Variants in GRID1 observed in about 807,000 individuals in gnomAD.
GRID1 encodes the protein glutamate ionotropic receptor delta type subunit 1, also known as glutamate receptor ionotropic, delta-1.
A neutral mutation model predicts 98.0 loss-of-function variants in GRID1; 28 were observed. The observed-to-expected ratio is 0.29, with a 90% CI of 0.21 to 0.39. GRID1 has a LOEUF of 0.39. Among genes scored for constraint, GRID1 ranks in the 10% least tolerant of loss-of-function variants. GRID1 has a pLI of 1.00. For missense variants in GRID1, 1,111 were observed against 1,340.5 expected (o/e 0.83, Z 2.67); for synonymous variants, 553 against 538.5 (o/e 1.03, Z -0.37).
At chr10:86,165,074 CTG>C (rs1257505325) in intron 3 of GRID1, among the ~76,000 whole-genome samples, 1 of 152,168 alleles carries the variant, frequency 6.6e-6, no homozygotes, top group African/African-American at 2.4e-5. Flanking sequence ...CAGAGGCAGA[CTG>C]TGCCTGTCAG....
At chr10:85,742,017 C>A (rs1461345469) in intron 8 of GRID1, among the ~76,000 whole-genome samples, 1 of 152,164 alleles carries the variant, frequency 6.6e-6, no homozygotes, top group East Asian at 1.9e-4. Context: ...CAGGTTCAAT[C>A]TTCCTAAGTA....
chr10:85,959,537 G>A (rs1335740163), intron 4 of GRID1, among the ~76,000 whole-genome samples: 6 of 83,066 alleles, frequency 7.2e-5, no homozygotes, highest in East Asian at 3.0e-4. Flanking sequence ...TCTCCCACCC[G>A]CCCCCACCCG....
At chr10:86,006,311 G>A (rs541879860) in intron 4 of GRID1, among the ~76,000 whole-genome samples, 2 of 152,290 alleles carry the variant, frequency 1.3e-5, no homozygotes, top group Non-Finnish European at 2.9e-5. Context: ...AAAATTAGCT[G>A]TAGTTGTATT....
At chr10:86,121,431 CATCATCATTAACATAATCAT>C (rs1844665906) in intron 4 of GRID1, among the ~76,000 whole-genome samples, 5 of 149,832 alleles carry the variant, frequency 3.3e-5, no homozygotes, top group South Asian at 2.1e-4. Flanking sequence ...TCACCATTAT[CATCATCATTAACATAATCAT>C]CATCATCACC....
At chr10:85,846,845 G>T (rs889745968) in intron 8 of GRID1, among the ~76,000 whole-genome samples, 2 of 152,198 alleles carry the variant, frequency 1.3e-5, no homozygotes, top group African/African-American at 4.8e-5. Flanking sequence ...TAAATGAAAT[G>T]TAGAAACCAG....
At chr10:86,152,048 G>C (rs1438284585) in intron 3 of GRID1, among the ~76,000 whole-genome samples, 2 of 152,240 alleles carry the variant, frequency 1.3e-5, no homozygotes, top group Non-Finnish European at 2.9e-5. Flanking sequence ...CAGTGTTTGA[G>C]GATGTACTAG....
At chr10:85,880,035 T>C (rs1409970636) in intron 5 of GRID1, among the ~76,000 whole-genome samples, 1 of 152,084 alleles carries the variant, frequency 6.6e-6, no homozygotes, top group Non-Finnish European at 1.5e-5. Flanking sequence ...AAATGGATAA[T>C]TTCCTCAACA....
At chr10:85,868,793 G>A (rs754080856) in intron 6 of GRID1, among the ~76,000 whole-genome samples, 14 of 152,134 alleles carry the variant, frequency 9.2e-5, no homozygotes, top group South Asian at 8.3e-4. Context: ...AGAGACACCC[G>A]GTGAGCCAAT....
intron 4 of GRID1, among the ~76,000 whole-genome samples, chr10:86,074,609 C>G (rs1052424068): frequency 6.6e-5 from 10 of 152,286 alleles, no homozygotes; most frequent in Admixed American, 6.5e-4. Context: ...CTGATGGACA[C>G]TTAGGTTGAT....
At chr10:85,618,431 T>C (rs1169548705) in intron 14 of GRID1, among the ~76,000 whole-genome samples, 1 of 152,218 alleles carries the variant, frequency 6.6e-6, no homozygotes, top group Non-Finnish European at 1.5e-5. Context: ...CAACGTGTTA[T>C]AAATCCTGGA....
chr10:86,011,966 T>C (rs1842927605), intron 4 of GRID1, among the ~76,000 whole-genome samples: 1 of 152,192 alleles, frequency 6.6e-6, no homozygotes, highest in African/African-American at 2.4e-5. Flanking sequence ...AAGACCAGCC[T>C]GGCCAACATG....
intron 5 of GRID1, among the ~76,000 whole-genome samples, chr10:85,903,432 T>C (rs909449399): frequency 1.3e-5 from 2 of 152,088 alleles, no homozygotes; most frequent in Non-Finnish European, 2.9e-5. Flanking sequence ...TCTTACCTCC[T>C]CCATACTACC....
chr10:85,828,321 T>A (rs931020787), intron 8 of GRID1, among the ~76,000 whole-genome samples: 1 of 151,910 alleles, frequency 6.6e-6, no homozygotes, highest in Non-Finnish European at 1.5e-5. Context: ...TAGTGCTGAA[T>A]CCCACATCAA....
intron 2 of GRID1, among the ~76,000 whole-genome samples, chr10:86,300,114 T>C (rs2814319): frequency 0.048 from 7,233 of 152,054 alleles, 269 homozygotes; most frequent in Admixed American, 0.11. Context: ...CACAGAGACA[T>C]TGCAGAGAGA....
At chr10:86,097,381 CAGTT>C (rs1269185290) in intron 4 of GRID1, among the ~76,000 whole-genome samples, 1 of 152,234 alleles carries the variant, frequency 6.6e-6, no homozygotes, top group Non-Finnish European at 1.5e-5. Flanking sequence ...TTTCACCACT[CAGTT>C]AAAGAACATG....
chr10:86,022,760 A>G (rs1843066482), intron 4 of GRID1, among the ~76,000 whole-genome samples: 1 of 151,964 alleles, frequency 6.6e-6, no homozygotes, highest in Non-Finnish European at 1.5e-5. Flanking sequence ...TCTACTAAAA[A>G]TACAAAAATT....
Position 86,140,567 on chromosome 10 carries a change from C to T in GRID1, c.521-1543G>A, listed in dbSNP as rs767566488. ...GGAGCCATCATGGGGAACCAAGCAG[C>T]GCGAGGGAGAAGAGCAGAGCACCAT... On this transcript the variant is annotated intron_variant, in intron 3 of 15. Coordinates refer to ENST00000327946, the MANE Select transcript of GRID1 (RefSeq NM_017551.3). Among the ~76,000 whole-genome samples, 4 of 152,124 alleles carry T rather than the reference C, an allele frequency of 2.6e-5. No homozygotes were observed. In the South Asian group the frequency reaches 6.2e-4, roughly 24 times the overall value.
chr10:86,320,800 T>G (rs1380489396), intron 2 of GRID1, among the ~76,000 whole-genome samples: 3 of 152,110 alleles, frequency 2.0e-5, no homozygotes, highest in Non-Finnish European at 4.4e-5. Flanking sequence ...ATTATTATTA[T>G]AGTAAAATGT....
At chr10:86,246,365 T>C (rs376971967) in intron 2 of GRID1, among the ~76,000 whole-genome samples, 2 of 152,160 alleles carry the variant, frequency 1.3e-5, no homozygotes, top group South Asian at 2.1e-4. Flanking sequence ...GTGGCCTCTC[T>C]CTGAGGACAG....
Sources: allele counts gnomAD v4.1 joint callset (sites outside exome capture counted in the v4.1 genomes callset), GRCh38; gene constraint gnomAD v4.1.1; transcripts MANE v1.5; gene names NCBI Gene and HGNC (gene_info 2026-07-23, HGNC 2026-07-21).